Variants in CUL4B observed in about 807,000 individuals in gnomAD.
CUL4B encodes the protein cullin-4B.
Under a neutral mutation model 69.2 loss-of-function variants are expected in CUL4B, and 1 was observed. That is an observed-to-expected ratio of 0.01 (90% CI 0.01 to 0.07). CUL4B has a LOEUF of 0.07. CUL4B is among the 10% of genes least tolerant of loss of function. The probability of loss-of-function intolerance (pLI) is 1.00; values close to 1 mark genes in which losing one functional copy is unlikely to be tolerated. For synonymous variants in CUL4B, 237 were observed against 223.2 expected (o/e 1.06, Z -0.55); for missense variants, 328 against 638.8 (o/e 0.51, Z 5.24).
At chrX:120,538,418 G>A in intron 13 of CUL4B, 1 of 351,179 alleles carries the variant, frequency 2.8e-6, no homozygotes, top group Non-Finnish European at 4.9e-6. Flanking sequence ...TACTATTTAG[G>A]TATAAAATAA....
At chrX:120,570,509 G>A (rs1340281787), downstream of CUL4B, among the ~76,000 whole-genome samples, 1 of 112,027 alleles carries the variant, frequency 8.9e-6, no homozygotes, top group African/African-American at 3.2e-5. Context: ...GTCTAAAATA[G>A]TTCCTACTAG....
At chrX:120,554,210 C>T (rs1472509706) in intron 2 of CUL4B, among the ~76,000 whole-genome samples, 1 of 112,086 alleles carries the variant, frequency 8.9e-6, no homozygotes, top group Admixed American at 9.5e-5. Flanking sequence ...TGCAATATTT[C>T]ATTTACGTCT....
chrX:120,553,934 G>A (rs780148984), intron 2 of CUL4B, among the ~76,000 whole-genome samples: 2 of 111,227 alleles, frequency 1.8e-5, no homozygotes, highest in South Asian at 3.7e-4. Flanking sequence ...AAGCGTAGAG[G>A]GACACTGTTC....
At position 120,560,261 on chromosome X, in the gene CUL4B, T is replaced by C. The variant is rs1022353335; in HGVS notation, c.378A>G (p.Ser126=). ...GAGATGTTGCAGCAGTTGGTGAAGA[T>C]GAGGAGGAGGAGGAGGAGGATTCCT... ...MAEESSSSSS[S]SSPTAATSQQ... is the part of the protein sequence containing the mutation. Residue 126 remains serine (S), a synonymous_variant, in exon 1 of 20, where the codon TCA becomes TCG. Coordinates refer to ENST00000371322, the MANE Select transcript of CUL4B (RefSeq NM_001079872.2). 1 of 1,209,937 alleles carries C rather than the reference T, an allele frequency of 8.3e-7. No homozygotes were observed. The highest frequency in any genetic ancestry group is 3.0e-5 in the East Asian group (1 of 33,800).
rs1179229247 is a variant in CUL4B, at chrX:120,560,598, G to A, written c.41C>T (p.Ala14Val). 8.3e-7 allele frequency: 1 copy of A among 1,207,866 alleles called. No individual in the cohort carries two copies. Among genetic ancestry groups the A allele is most frequent in the Non-Finnish European group, 1.1e-6 (1 of 894,914 alleles). ...AGATCTGACCTCCTGAGCAGCAGCA[G>A]CAGCTGAGGGACTGGGGGAAGAAAA... ...TGFSSPSPSA[A>V]AAAQEVRSAT... The change falls in exon 1 of 20, where the codon GCT (alanine) becomes GTT (valine). Residue 14 changes from alanine (A) to valine (V), a missense_variant. Transcript: ENST00000371322.
At chrX:120,564,390 G>T (rs979226283), upstream of CUL4B, among the ~76,000 whole-genome samples, 1 of 111,901 alleles carries the variant, frequency 8.9e-6, no homozygotes, top group African/African-American at 3.2e-5. Context: ...CCGATCACCT[G>T]AGGTCAGGGG....
chrX:120,532,322 T>C (rs192503933), intron 18 of CUL4B, 100 bp downstream of exon 18: 3 of 631,224 alleles, frequency 4.8e-6, no homozygotes, highest in Admixed American at 6.4e-5. Flanking sequence ...AAAATATTAA[T>C]GGTATTGGCA....
At chrX:120,549,098 G>GT (rs779586437) in intron 2 of CUL4B, among the ~76,000 whole-genome samples, 111 of 111,933 alleles carry the variant, frequency 9.9e-4, no homozygotes, top group African/African-American at 3.4e-3. Flanking sequence ...TGACTTAAAT[G>GT]TAACACCAGA....
intron 14 of CUL4B, 149 bp downstream of exon 14, chrX:120,537,975 A>C: frequency 2.3e-6 from 1 of 433,661 alleles, no homozygotes. Flanking sequence ...CTTATATTTC[A>C]CCAATTTTTT....
rs757749038 is a variant in CUL4B at position 120,547,164 on chromosome X, T to C, written c.748A>G (p.Ile250Val). Residue 250 changes from isoleucine (I) to valine (V), a missense_variant, in exon 3 of 20, where the codon ATC (isoleucine) becomes GTC (valine). Physicochemically the swap from Ile to Val is conservative, Grantham distance 29 (BLOSUM62 3). Around this residue, in one of 4 missense-constraint regions of CUL4B, gnomAD observed 126 missense variants for 202.5 expected, o/e 0.62. Coordinates refer to ENST00000371322, the MANE Select transcript of CUL4B (RefSeq NM_001079872.2). Reference protein sequence around the residue: ...KQLRQICEDHIKAQIHQFRED... With the variant: ...KQLRQICEDHVKAQIHQFRED... The stretch of plus-strand genomic sequence containing the variant: ...CTGAATTGATGAATCTGTGCTTTGA[T>C]GTGATCTTCGCAGATCTGTCTCAGC... The C allele has an allele frequency of 8.3e-7, 1 of 1,205,050 alleles. No homozygotes were observed. Among genetic ancestry groups the C allele is most frequent in the South Asian group, 1.8e-5 (1 of 56,849 alleles).
At position 120,544,461 on chromosome X, in the gene CUL4B, A is replaced by C. The variant is rs766473405; in HGVS notation, c.1083+20T>G. 3 of 1,205,633 alleles carry C rather than the reference A, an allele frequency of 2.5e-6. No homozygotes were observed. In the East Asian group the frequency reaches 8.9e-5, roughly 36 times the overall value. The stretch of plus-strand genomic sequence containing the variant: ...AGGATAGCAATCAGCTCTGTATAGT[A>C]GGTGTAGTAGTTAACTTACTTGCAA... On this transcript the variant is annotated intron_variant, in intron 6 of 19. Coordinates refer to ENST00000371322, the MANE Select transcript of CUL4B (RefSeq NM_001079872.2).
In CUL4B at chrX:120,555,159, CAA is replaced by C. The variant is rs745489781; in HGVS notation, c.672+2763_672+2764del. 6.3e-5 allele frequency among the ~76,000 whole-genome samples: 7 copies of C among 111,974 alleles called. 1 individual carries two copies. The highest frequency in any genetic ancestry group is 1.6e-4 in the African/African-American group (5 of 30,871). ...CTTACGAAGTACAAGAAAACAAAAACAAGAGATGCAAGCTCTATGCTCTTGAA... is the reference window on the plus strand; with the variant it reads ...CTTACGAAGTACAAGAAAACAAAAACGAGATGCAAGCTCTATGCTCTTGAA... On this transcript the variant is annotated intron_variant, in intron 2 of 19. Coordinates refer to ENST00000371322, the MANE Select transcript of CUL4B (RefSeq NM_001079872.2).
rs1229252992 is a variant in CUL4B at position 120,526,247 on chromosome X, A to G, written c.*514T>C. 8.8e-6 allele frequency: 1 copy of G among 113,433 alleles called. No homozygotes were observed. Among genetic ancestry groups the G allele is most frequent in the Non-Finnish European group, 1.9e-5 (1 of 53,912 alleles). The allele number at this position is 113,433 out of a possible 1,213,427, so 9.3% of individuals were successfully genotyped here. On this transcript the variant is annotated 3_prime_UTR_variant, in exon 20 of 20. Transcript: ENST00000371322. ...ATCACCTAGTAAAATATCAATAGCTATGACAATTCATTTCTCTTTTCAAGG... is the reference window on the plus strand; with the variant it reads ...ATCACCTAGTAAAATATCAATAGCTGTGACAATTCATTTCTCTTTTCAAGG...
exon 3 of CUL4B, chrX:120,571,767 T>C (rs1371373318): frequency 8.1e-5 from 9 of 110,772 alleles, no homozygotes; most frequent in Non-Finnish European, 1.7e-4. Context: ...CAGTCGGCCC[T>C]CTGCATGGGC....
intron 2 of CUL4B, among the ~76,000 whole-genome samples, chrX:120,573,858 C>A (rs1183803060): frequency 8.9e-6 from 1 of 111,939 alleles, no homozygotes; most frequent in Non-Finnish European, 1.9e-5. Context: ...CGGAGTCCCA[C>A]TGTTGCCCAG....
At chrX:120,538,572 A>C in intron 13 of CUL4B, 88 bp downstream of exon 13, 3 of 647,301 alleles carry the variant, frequency 4.6e-6, no homozygotes, top group Non-Finnish European at 7.7e-6. Flanking sequence ...GACATGAGTG[A>C]CAAAAGAGGA....
At chrX:120,551,251 G>C (rs761561065) in intron 2 of CUL4B, among the ~76,000 whole-genome samples, 3 of 109,725 alleles carry the variant, frequency 2.7e-5, no homozygotes, top group Non-Finnish European at 5.7e-5. Flanking sequence ...CTGTCGCCCA[G>C]ATTGGGGTGC....
chrX:120,557,653 T>C lies in CUL4B; in HGVS notation c.672+271A>G, dbSNP rs137964422. The stretch of plus-strand genomic sequence containing the variant: ...TTGGGATTCATGCTATAGGATTACA[T>C]TATAGGTAGAACTTCTATTACACCA... On this transcript the variant is annotated intron_variant, in intron 2 of 19. Coordinates refer to ENST00000371322, the MANE Select transcript of CUL4B (RefSeq NM_001079872.2). 2.5e-3 allele frequency among the ~76,000 whole-genome samples: 284 copies of C among 111,831 alleles called. 1 individual carries two copies. The highest frequency in any genetic ancestry group is 8.7e-3 in the African/African-American group (269 of 30,757).
rs147339235 is a variant in CUL4B, at chrX:120,559,306, C to G, written c.556+777G>C. Among the ~76,000 whole-genome samples, 702 of 112,365 alleles carry G rather than the reference C, an allele frequency of 6.2e-3. 6 individuals are homozygous for G. Among genetic ancestry groups the G allele is most frequent in the African/African-American group, 0.022 (674 of 30,986 alleles). Reference sequence around the variant, plus strand: ...AATAAAAATTAATTCAGCTCAAATACATTTTTAAAAATTGCTGATTTTATA... The same window carrying G: ...AATAAAAATTAATTCAGCTCAAATAGATTTTTAAAAATTGCTGATTTTATA... On this transcript the variant is annotated intron_variant, in intron 1 of 19. Transcript: ENST00000371322.
Sources: gnomAD v4.1 joint callset for allele counts (sites outside exome capture counted in the v4.1 genomes callset) on GRCh38, gnomAD v4.1.1 for gene constraint, gnomAD v4.1.1 regional missense constraint, MANE v1.5 for transcripts, NCBI Gene and HGNC (gene_info 2026-07-23, HGNC 2026-07-21) for gene names.